Variants in DNAJA2 observed in about 807,000 individuals in gnomAD.
The protein encoded by DNAJA2 is DnaJ heat shock protein family (Hsp40) member A2, also known as dnaJ homolog subfamily A member 2.
DNAJA2 carries 6 observed loss-of-function variants against 49.3 expected under a neutral mutation model. That is an observed-to-expected ratio of 0.12 (90% CI 0.07 to 0.24). The LOEUF (loss-of-function observed/expected upper bound fraction) is 0.24. DNAJA2 is among the 10% of genes least tolerant of loss of function. The probability of loss-of-function intolerance (pLI) is 1.00; values close to 1 mark genes in which losing one functional copy is unlikely to be tolerated. For missense variants in DNAJA2, 347 were observed against 516.8 expected, an observed-to-expected ratio of 0.67 and a Z score of 3.19; for synonymous variants, 160 against 172.7, an observed-to-expected ratio of 0.93 and a Z score of 0.58.
intron 3 of DNAJA2, among the ~76,000 whole-genome samples, chr16:46,970,757 G>C (rs1204718704): frequency 3.8e-5 from 1 of 26,554 alleles, no homozygotes; most frequent in Non-Finnish European, 1.4e-4. Context: ...AAAAAAAAAA[G>C]GTCGGGCACA....
In DNAJA2 at chr16:46,959,337, A is replaced by C; in HGVS notation, c.857T>G (p.Phe286Cys). ...AATCTGACGTCCATCAAGGTGCTTA[A>C]ATGTGAACTGAAATCCACATAGAGC... ...VEALCGFQFTFKHLDGRQIVV... is the reference protein window; with the variant it reads ...VEALCGFQFTCKHLDGRQIVV... The change falls in exon 7 of 9, where the codon TTT becomes TGT. Residue 286 changes from phenylalanine (F) to cysteine (C), a missense_variant. Coordinates refer to ENST00000317089, the MANE Select transcript of DNAJA2 (RefSeq NM_005880.4). 6.2e-7 allele frequency: 1 copy of C among 1,614,048 alleles called. No homozygotes were observed. Among genetic ancestry groups the C allele is most frequent in the Non-Finnish European group, 8.5e-7 (1 of 1,179,950 alleles).
In DNAJA2 at chr16:46,973,554, T is replaced by C; in HGVS notation, c.19A>G (p.Thr7Ala). Residue 7 changes from threonine (T) to alanine (A), a missense_variant, in exon 1 of 9, where the codon ACG (threonine) becomes GCG (alanine). Thr to Ala is a moderately conservative substitution (Grantham distance 58, BLOSUM62 0). Transcript: ENST00000317089. MANVAD[T>A]KLYDILGVPP... is the part of the protein sequence containing the mutation. The stretch of plus-strand genomic sequence containing the variant: ...ACGCCCAGGATGTCGTACAGCTTCG[T>C]GTCAGCCACGTTAGCCATGGCGGCC... 6.3e-7 allele frequency: 1 copy of C among 1,598,936 alleles called. No individual in the cohort carries two copies. The highest frequency in any genetic ancestry group is 8.5e-7 in the Non-Finnish European group (1 of 1,176,464).
rs948363355 is a variant in DNAJA2, at chr16:46,964,570, G to C, written c.774+41C>G. The C allele has an allele frequency of 2.5e-6, 4 of 1,568,796 alleles. No homozygotes were observed. In the African/African-American group the frequency reaches 5.5e-5, roughly 22 times the overall value. On this transcript the variant is annotated intron_variant, in intron 6 of 8. Coordinates refer to ENST00000317089, the MANE Select transcript of DNAJA2 (RefSeq NM_005880.4). ...TTTCTCACAAGCAAGAAGTACTTCT[G>C]AATAAAACAAAATACAAAAAACTAA...
At chr16:46,969,907 C>T (rs1187538505) in intron 3 of DNAJA2, among the ~76,000 whole-genome samples, 1 of 152,018 alleles carries the variant, frequency 6.6e-6, no homozygotes, top group Non-Finnish European at 1.5e-5. Flanking sequence ...TAGACCATTT[C>T]TATATTAAAG....
At position 46,956,563 on chromosome 16, in the gene DNAJA2, A is replaced by G. The variant is rs763594422; in HGVS notation, c.*466T>C. 6.5e-6 allele frequency: 1 copy of G among 153,910 alleles called. No individual in the cohort carries two copies. The highest frequency in any genetic ancestry group is 1.5e-5 in the Non-Finnish European group (1 of 68,956). 9.5% of individuals were successfully genotyped at this position (153,910 alleles called of 1,614,324 possible). A position where few individuals can be genotyped will look rare whatever the true frequency, so the allele number is the denominator to read the frequency against. ...TCCAAACCCATTGTGTGCAAAGCCC[A>G]TTTTTTTCCATGCATCTAAATGATA... On this transcript the variant is annotated 3_prime_UTR_variant, in exon 9 of 9. Transcript: ENST00000317089.
At position 46,959,133 on chromosome 16, in the gene DNAJA2, A is replaced by G; in HGVS notation, c.920-3T>C. 1 of 1,595,840 alleles carries G rather than the reference A, an allele frequency of 6.3e-7. No homozygotes were observed. The highest frequency in any genetic ancestry group is 8.5e-7 in the Non-Finnish European group (1 of 1,171,158). On this transcript the variant is annotated splice_region_variant and splice_polypyrimidine_tract_variant and intron_variant, in intron 7 of 8. Coordinates refer to ENST00000317089, the MANE Select transcript of DNAJA2 (RefSeq NM_005880.4). ...ACCTCGAACTACACGAACACACCCT[A>G]TTATTTAAGAGGAAATGATTAATAA...
chr16:46,969,238 T>C (rs906251281), intron 3 of DNAJA2, among the ~76,000 whole-genome samples: 8 of 152,216 alleles, frequency 5.3e-5, no homozygotes, highest in Admixed American at 3.9e-4. Context: ...ATTCAAACTT[T>C]CTTAAAATTG....
rs1199091398 is a variant in DNAJA2 at position 46,955,991 on chromosome 16, G to A, written c.*1038C>T. 1 of 151,986 alleles carries A rather than the reference G, an allele frequency of 6.6e-6. No individual in the cohort carries two copies. The highest frequency in any genetic ancestry group is 2.4e-5 in the African/African-American group (1 of 41,344). 9.4% of individuals were successfully genotyped at this position (151,986 alleles called of 1,614,324 possible). A position where few individuals can be genotyped will look rare whatever the true frequency, so the allele number is the denominator to read the frequency against. ...ACAGAAACTCAAAATAATAATCAAT[G>A]GCTTCTCCAATTCCAAATATTCAAC... On this transcript the variant is annotated 3_prime_UTR_variant, in exon 9 of 9. Transcript: ENST00000317089.
chr16:46,961,627 T>C (rs945658896), intron 6 of DNAJA2, among the ~76,000 whole-genome samples: 9 of 150,952 alleles, frequency 6.0e-5, no homozygotes, highest in Non-Finnish European at 1.0e-4. Flanking sequence ...ACACATCACG[T>C]TCTTGTACAG....
chr16:46,963,492 G>C (rs1374586075), intron 6 of DNAJA2, among the ~76,000 whole-genome samples: 1 of 146,986 alleles, frequency 6.8e-6, no homozygotes, highest in African/African-American at 2.5e-5. Flanking sequence ...AATATGGCAA[G>C]ACCCTGTCTC....
chr16:46,969,428 C>T (rs752180601), intron 3 of DNAJA2, among the ~76,000 whole-genome samples: 1 of 152,098 alleles, frequency 6.6e-6, no homozygotes, highest in Non-Finnish European at 1.5e-5. Context: ...GCTTTCTTCC[C>T]CTACATATTA....
intron 3 of DNAJA2, among the ~76,000 whole-genome samples, chr16:46,969,042 T>C (rs1032686070): frequency 6.6e-6 from 1 of 152,090 alleles, no homozygotes; most frequent in African/African-American, 2.4e-5. Flanking sequence ...GTGAGACAAG[T>C]ACTTATGTGT....
chr16:46,967,960 GGT>G, intron 4 of DNAJA2, 122 bp downstream of exon 4: 1 of 948,264 alleles, frequency 1.1e-6, no homozygotes, highest in East Asian at 2.6e-5. Context: ...TGGGATTTCA[GGT>G]GTGAGCCACC....
intron 6 of DNAJA2, 53 bp downstream of exon 6, chr16:46,964,558 A>C: frequency 6.6e-7 from 1 of 1,523,256 alleles, no homozygotes; most frequent in Non-Finnish European, 8.9e-7. Flanking sequence ...CTCACAAGCA[A>C]GAAGTACTTC....
At chr16:46,967,400 T>C in intron 5 of DNAJA2, 113 bp downstream of exon 5, 5 of 1,375,412 alleles carry the variant, frequency 3.6e-6, no homozygotes, top group Non-Finnish European at 4.9e-6. Context: ...GCCTCCTTTT[T>C]CTTTAATAAG....
At chr16:46,966,063 G>A (rs1961965496) in intron 5 of DNAJA2, among the ~76,000 whole-genome samples, 1 of 151,338 alleles carries the variant, frequency 6.6e-6, no homozygotes, top group Non-Finnish European at 1.5e-5. Context: ...ATCTCTACAA[G>A]AAATACAAAA....
intron 3 of DNAJA2, among the ~76,000 whole-genome samples, chr16:46,970,521 T>C (rs897830509): frequency 7.9e-5 from 12 of 151,826 alleles, no homozygotes; most frequent in African/African-American, 2.9e-4. Context: ...GGCAGGAAGA[T>C]CACTTGAGTT....
intron 6 of DNAJA2, among the ~76,000 whole-genome samples, chr16:46,962,891 C>G (rs1423845302): frequency 1.3e-5 from 2 of 152,130 alleles, no homozygotes; most frequent in Admixed American, 1.3e-4. Context: ...TACCAAATTC[C>G]TAAAACCTGC....
Position 46,960,214 on chromosome 16 carries a change from T to C in DNAJA2, c.775-795A>G, listed in dbSNP as rs571154981. 5.9e-5 allele frequency among the ~76,000 whole-genome samples: 9 copies of C among 152,312 alleles called. No individual in the cohort carries two copies. The East Asian group carries it at 1.7e-3, about 29-fold the overall frequency. Reference sequence around the variant, plus strand: ...TTACTCATTAAACAAAGTTAAACCATTACCTTAACCAATGATTCTCTAAGT... The same window carrying C: ...TTACTCATTAAACAAAGTTAAACCACTACCTTAACCAATGATTCTCTAAGT... On this transcript the variant is annotated intron_variant, in intron 6 of 8. Transcript: ENST00000317089.
Sources: allele counts gnomAD v4.1 joint callset (sites outside exome capture counted in the v4.1 genomes callset), GRCh38; gene constraint gnomAD v4.1.1; transcripts MANE v1.5; gene names NCBI Gene and HGNC (gene_info 2026-07-23, HGNC 2026-07-21).